Variants in MAP4K3 observed in about 807,000 individuals in gnomAD.
MAP4K3 encodes MAPK/ERK kinase kinase kinase 3.
In MAP4K3, 94 loss-of-function variants were observed where a neutral mutation model predicts 143.5. That is an observed-to-expected ratio of 0.65 (90% CI 0.55 to 0.78). The LOEUF is 0.78. Ranked by LOEUF, MAP4K3 falls within the 30% of genes least tolerant of loss-of-function variation. MAP4K3 has a pLI of 0.00. For missense variants in MAP4K3, 1,077 were observed against 1,068.1 expected (o/e 1.01, Z -0.12); for synonymous variants, 416 against 347.2 (o/e 1.20, Z -2.20).
chr2:39,311,386 T>C (rs921459167), intron 13 of MAP4K3, among the ~76,000 whole-genome samples: 8 of 152,122 alleles, frequency 5.3e-5, no homozygotes, highest in Admixed American at 5.2e-4. Context: ...GCTGAGACCA[T>C]CTTAATTCAG....
chr2:39,394,558 C>A (rs1666753303), intron 1 of MAP4K3, among the ~76,000 whole-genome samples: 1 of 152,092 alleles, frequency 6.6e-6, no homozygotes, highest in Non-Finnish European at 1.5e-5. Context: ...GAACAGTCCT[C>A]AAAGGAAGGG....
chr2:39,410,886 T>C (rs1031824584), intron 1 of MAP4K3, among the ~76,000 whole-genome samples: 4 of 152,218 alleles, frequency 2.6e-5, no homozygotes, highest in African/African-American at 7.2e-5. Context: ...TATCCTAGAA[T>C]TGTTTTTGTA....
At chr2:39,431,569 A>C (rs906511858) in intron 1 of MAP4K3, among the ~76,000 whole-genome samples, 2 of 152,194 alleles carry the variant, frequency 1.3e-5, no homozygotes, top group African/African-American at 4.8e-5. Context: ...GCTCATTAAA[A>C]GATGACATTT....
At chr2:39,433,788 C>G (rs559609021) in intron 1 of MAP4K3, among the ~76,000 whole-genome samples, 1 of 152,010 alleles carries the variant, frequency 6.6e-6, no homozygotes, top group Non-Finnish European at 1.5e-5. Flanking sequence ...CAGAGTTACA[C>G]GACACTTACA....
At chr2:39,309,134 T>C (rs577770672) in intron 14 of MAP4K3, among the ~76,000 whole-genome samples, 1 of 152,298 alleles carries the variant, frequency 6.6e-6, no homozygotes, top group South Asian at 2.1e-4. Context: ...TTTTATTTTA[T>C]GTTTTTAAAG....
At chr2:39,319,604 C>T (rs556417531) in intron 12 of MAP4K3, among the ~76,000 whole-genome samples, 1 of 152,122 alleles carries the variant, frequency 6.6e-6, no homozygotes, top group Non-Finnish European at 1.5e-5. Context: ...AGTAAAATCT[C>T]AAGTAATATT....
chr2:39,399,418 T>A (rs1200274312), intron 1 of MAP4K3, among the ~76,000 whole-genome samples: 4 of 152,140 alleles, frequency 2.6e-5, no homozygotes, highest in Admixed American at 2.0e-4. Flanking sequence ...AATGAAAGCC[T>A]CAGAGGAAAG....
At chr2:39,323,857 G>A (rs1429832128) in intron 12 of MAP4K3, 2 of 151,840 alleles carry the variant, frequency 1.3e-5, no homozygotes, top group Non-Finnish European at 2.9e-5. Context: ...GTAAATAATA[G>A]TTTTACTATT....
At chr2:39,252,517 AAAT>A (rs1469164882) in intron 32 of MAP4K3, among the ~76,000 whole-genome samples, 1 of 152,216 alleles carries the variant, frequency 6.6e-6, no homozygotes, top group African/African-American at 2.4e-5. Flanking sequence ...CATTCTCTTG[AAAT>A]AATATTTTCT....
At chr2:39,360,126 G>C (rs1294746174) in intron 2 of MAP4K3, among the ~76,000 whole-genome samples, 1 of 152,090 alleles carries the variant, frequency 6.6e-6, no homozygotes, top group South Asian at 2.1e-4. Context: ...CCTCTTGAAC[G>C]CTTGGCTCCT....
intron 8 of MAP4K3, among the ~76,000 whole-genome samples, chr2:39,329,453 A>T (rs1465164093): frequency 6.6e-6 from 1 of 152,234 alleles, no homozygotes. Context: ...GGCAAACCTA[A>T]GCAGGTGCCA....
At chr2:39,360,131 G>A (rs1403464614) in intron 2 of MAP4K3, among the ~76,000 whole-genome samples, 1 of 152,080 alleles carries the variant, frequency 6.6e-6, no homozygotes, top group East Asian at 1.9e-4. Context: ...TGAACGCTTG[G>A]CTCCTTAGAA....
chr2:39,347,528 T>C (rs1205461778), intron 3 of MAP4K3, among the ~76,000 whole-genome samples: 2 of 152,156 alleles, frequency 1.3e-5, no homozygotes, highest in Non-Finnish European at 2.9e-5. Flanking sequence ...GGACCTGGAA[T>C]ATAGCACAAT....
rs143999170 is a variant in MAP4K3 at position 39,408,843 on chromosome 2, A to C, written c.96+28049T>G. ...GCCAGAAAGCAAAGTAACATCAGGC[A>C]ATCTGGCAAATGGGTTTGATTCTCC... On this transcript the variant is annotated intron_variant, in intron 1 of 33. Coordinates refer to ENST00000263881, the MANE Select transcript of MAP4K3 (RefSeq NM_003618.4). Among the ~76,000 whole-genome samples the C allele has an allele frequency of 2.2e-4, 33 of 152,326 alleles. No homozygotes were observed. In the East Asian group the frequency reaches 5.2e-3, roughly 24 times the overall value.
At chr2:39,346,700 G>C (rs532854918) in intron 3 of MAP4K3, among the ~76,000 whole-genome samples, 1 of 152,276 alleles carries the variant, frequency 6.6e-6, no homozygotes, top group South Asian at 2.1e-4. Flanking sequence ...AGCAGCAATT[G>C]TAAGAACTTG....
chr2:39,424,518 A>G (rs1385584058), intron 1 of MAP4K3, among the ~76,000 whole-genome samples: 1 of 152,034 alleles, frequency 6.6e-6, no homozygotes, highest in African/African-American at 2.4e-5. Flanking sequence ...CCTTCAGTAA[A>G]GCAAAAACAG....
intron 1 of MAP4K3, among the ~76,000 whole-genome samples, chr2:39,436,082 C>T (rs1176853059): frequency 6.6e-6 from 1 of 152,178 alleles, no homozygotes; most frequent in Non-Finnish European, 1.5e-5. Flanking sequence ...CAACAACCTC[C>T]TCTCTTCTTG....
chr2:39,406,486 A>G (rs916326710), intron 1 of MAP4K3, among the ~76,000 whole-genome samples: 1 of 152,244 alleles, frequency 6.6e-6, no homozygotes, highest in Non-Finnish European at 1.5e-5. Flanking sequence ...TTAAGCAGCA[A>G]GAGAAAGGAA....
Position 39,258,455 on chromosome 2 carries a change from G to C in MAP4K3, c.2378-15C>G. On this transcript the variant is annotated splice_polypyrimidine_tract_variant and intron_variant, in intron 30 of 33. Transcript: ENST00000263881. ...TTTTATACAACCTAGAGGAAAAAAA[G>C]TCACTCAGAAACTAAGATAAAAGAA... is the stretch of plus-strand genomic sequence containing the variant. 1 of 1,602,750 alleles carries C rather than the reference G, an allele frequency of 6.2e-7. No homozygotes were observed. The highest frequency in any genetic ancestry group is 8.5e-7 in the Non-Finnish European group (1 of 1,170,926).
Sources: allele counts gnomAD v4.1 joint callset (sites outside exome capture counted in the v4.1 genomes callset), GRCh38; gene constraint gnomAD v4.1.1; transcripts MANE v1.5; gene names NCBI Gene and HGNC (gene_info 2026-07-23, HGNC 2026-07-21).